Variants in PTPRS observed in about 807,000 individuals in gnomAD.
PTPRS encodes protein tyrosine phosphatase receptor type S.
Under a neutral mutation model 215.3 loss-of-function variants are expected in PTPRS, and 63 were observed. The ratio of observed to expected loss-of-function variants is 0.29; its 90% CI spans 0.24 to 0.36. The LOEUF (loss-of-function observed/expected upper bound fraction) is 0.36. Ranked by LOEUF, PTPRS falls within the 10% of genes least tolerant of loss-of-function variation. PTPRS has a pLI of 1.00. For synonymous variants in PTPRS, 1,404 were observed against 1,191.4 expected, an observed-to-expected ratio of 1.18 and a Z score of -3.68; for missense variants, 2,258 against 2,825.8, an observed-to-expected ratio of 0.80 and a Z score of 4.56.
chr19:5,302,554 A>C (rs2049334472), intron 1 of PTPRS, among the ~76,000 whole-genome samples: 1 of 152,218 alleles, frequency 6.6e-6, no homozygotes, highest in Non-Finnish European at 1.5e-5. Flanking sequence ...TACTGTTGCG[A>C]ACACCAGCAG....
At chr19:5,334,262 G>A (rs915335101) in intron 1 of PTPRS, among the ~76,000 whole-genome samples, 49 of 152,368 alleles carry the variant, frequency 3.2e-4, no homozygotes, top group African/African-American at 6.7e-4. Context: ...GTAGCGGGGC[G>A]CGGGTGGACA....
intron 37 of PTPRS, among the ~76,000 whole-genome samples, chr19:5,207,495 C>T (rs1390397816): frequency 1.3e-5 from 2 of 152,216 alleles, no homozygotes; most frequent in African/African-American, 4.8e-5. Context: ...GTGTGAGCTG[C>T]CACGCCGGGT....
At position 5,228,347 on chromosome 19, in the gene PTPRS, G is replaced by GAAAAAAAA. The variant is rs71170899; in HGVS notation, c.2376+961_2376+968dup. ...GCGATAGTGTGAGACTCCGTCTGGA[G>GAAAAAAAA]AAAAAAAAAAAAAAAAGAGACAGGG... is the stretch of plus-strand genomic sequence containing the variant. On this transcript the variant is annotated intron_variant, in intron 16 of 37. Transcript: ENST00000262963. Among the ~76,000 whole-genome samples, 12 of 105,886 alleles carry GAAAAAAAA rather than the reference G, an allele frequency of 1.1e-4. 1 individual carries two copies. Among genetic ancestry groups the GAAAAAAAA allele is most frequent in the African/African-American group, 5.1e-4 (12 of 23,364 alleles). The allele number at this position is 105,886 out of a possible 152,430, so 69.5% of individuals were successfully genotyped here.
intron 13 of PTPRS, among the ~76,000 whole-genome samples, chr19:5,232,920 G>C (rs570025378): frequency 1.4e-5 from 2 of 146,992 alleles, no homozygotes; most frequent in East Asian, 4.2e-4. Flanking sequence ...CAAAATAACA[G>C]TAAAAGCATC....
chr19:5,251,743 C>T (rs142568395), intron 9 of PTPRS, among the ~76,000 whole-genome samples: 8 of 152,240 alleles, frequency 5.3e-5, no homozygotes, highest in African/African-American at 1.9e-4. Flanking sequence ...CCTGCCTTCC[C>T]GCCCCTGGAG....
Position 5,295,558 on chromosome 19 carries a change from G to C in PTPRS, c.-94-9324C>G, listed in dbSNP as rs2049110988. On this transcript the variant is annotated intron_variant, in intron 1 of 37. Transcript: ENST00000262963. The surrounding 1 kb of genome is among the most constrained non-coding windows in gnomAD (Gnocchi z 4.6). ...CTCTCCCACCAGACTGTGACCTCAGGAGGCAGAGCAGGATTTGTCTCGGTC... is the reference window on the plus strand; with the variant it reads ...CTCTCCCACCAGACTGTGACCTCAGCAGGCAGAGCAGGATTTGTCTCGGTC... Among the ~76,000 whole-genome samples, 1 of 152,152 alleles carries C rather than the reference G, an allele frequency of 6.6e-6. No individual in the cohort carries two copies. Among genetic ancestry groups the C allele is most frequent in the African/African-American group, 2.4e-5 (1 of 41,424 alleles).
chr19:5,260,364 G>A (rs1289642013), intron 7 of PTPRS, among the ~76,000 whole-genome samples: 1 of 151,982 alleles, frequency 6.6e-6, no homozygotes, highest in Non-Finnish European at 1.5e-5. Context: ...GTTTTTAGTA[G>A]AGATGGGGTT....
At chr19:5,214,829 C>A in intron 28 of PTPRS, 93 bp from the exon 29 acceptor site, 5 of 1,303,442 alleles carry the variant, frequency 3.8e-6, no homozygotes, top group East Asian at 2.5e-5. Context: ...TCACTCTGAC[C>A]GCTCCCAGAT....
intron 1 of PTPRS, among the ~76,000 whole-genome samples, chr19:5,316,415 C>T (rs1396628985): frequency 3.3e-5 from 5 of 151,904 alleles, no homozygotes; most frequent in East Asian, 3.9e-4. Flanking sequence ...TCTTTTGAGA[C>T]GGAGTCTCGC....
At chr19:5,229,258 A>G (rs1284201166) in intron 16 of PTPRS, 58 bp downstream of exon 16, 30 of 1,357,256 alleles carry the variant, frequency 2.2e-5, no homozygotes, top group Non-Finnish European at 2.8e-5. Flanking sequence ...GAGTCACAGC[A>G]CAGCACGGCC....
At chr19:5,253,143 C>G (rs1016793577) in intron 9 of PTPRS, among the ~76,000 whole-genome samples, 1 of 152,116 alleles carries the variant, frequency 6.6e-6, no homozygotes, top group Non-Finnish European at 1.5e-5. Context: ...CCCACCTTGT[C>G]AAAAGTCGGA....
At chr19:5,263,750 G>A (rs1052068087) in intron 5 of PTPRS, among the ~76,000 whole-genome samples, 9 of 152,236 alleles carry the variant, frequency 5.9e-5, no homozygotes, top group African/African-American at 1.4e-4. Flanking sequence ...TGAGAGGCGC[G>A]TGCGCGGATC....
chr19:5,315,351 G>GTTTTTTTTTTT (rs952833168), intron 1 of PTPRS, among the ~76,000 whole-genome samples: 2 of 79,802 alleles, frequency 2.5e-5, no homozygotes, highest in African/African-American at 5.8e-5. Flanking sequence ...TTTGAAAAGG[G>GTTTTTTTTTTT]TTTTTTTTTT....
intron 17 of PTPRS, among the ~76,000 whole-genome samples, chr19:5,224,646 G>C (rs1420971422): frequency 6.6e-6 from 1 of 152,168 alleles, no homozygotes; most frequent in East Asian, 1.9e-4. Context: ...AGGGTGGTGG[G>C]GAGAGCAGCG....
At chr19:5,259,045 A>C (rs2045786616) in intron 7 of PTPRS, among the ~76,000 whole-genome samples, 1 of 152,212 alleles carries the variant, frequency 6.6e-6, no homozygotes, top group African/African-American at 2.4e-5. Context: ...TTAAATTTTC[A>C]AAAGTGTTTG....
intron 12 of PTPRS, among the ~76,000 whole-genome samples, chr19:5,239,573 CAG>C (rs1442822102): frequency 4.1e-5 from 6 of 147,848 alleles, no homozygotes; most frequent in African/African-American, 1.3e-4. Flanking sequence ...CACACAGAGA[CAG>C]AGAAATAGAG....
intron 1 of PTPRS, among the ~76,000 whole-genome samples, chr19:5,328,114 GT>G (rs573658366): frequency 2.0e-5 from 3 of 150,854 alleles, no homozygotes; most frequent in African/African-American, 4.9e-5. Flanking sequence ...CACTTCTTTT[GT>G]TTTTTTTTGT....
In PTPRS at chr19:5,213,888, C is replaced by T. The variant is rs543552618; in HGVS notation, c.4614+473G>A. ...ACAGATGGAGAAAAACAGATGGAAC[C>T]GCACTATGGACAGCAGCCATCAGTT... On this transcript the variant is annotated intron_variant, in intron 30 of 37. Coordinates refer to ENST00000262963, the MANE Select transcript of PTPRS (RefSeq NM_002850.4). 2.6e-5 allele frequency among the ~76,000 whole-genome samples: 4 copies of T among 152,276 alleles called. 1 individual carries two copies. The South Asian group carries it at 6.2e-4, about 24-fold the overall frequency.
intron 7 of PTPRS, among the ~76,000 whole-genome samples, chr19:5,259,937 G>C (rs2045854606): frequency 6.6e-6 from 1 of 152,180 alleles, no homozygotes; most frequent in South Asian, 2.1e-4. Flanking sequence ...GGCCCAGAGA[G>C]GGTCAGGAGA....
Sources: gnomAD v4.1 joint callset for allele counts (sites outside exome capture counted in the v4.1 genomes callset) on GRCh38, gnomAD v4.1.1 for gene constraint, Gnocchi (gnomAD v3.1) non-coding constraint, MANE v1.5 for transcripts, NCBI Gene and HGNC (gene_info 2026-07-23, HGNC 2026-07-21) for gene names.